FOXP1: variants seen among roughly 807,000 people sequenced by gnomAD.
FOXP1 encodes forkhead box P1.
In FOXP1, 15 loss-of-function variants were observed where a neutral mutation model predicts 98.2. The observed-to-expected ratio is 0.15, with a 90% CI of 0.10 to 0.24. FOXP1 has a LOEUF of 0.24. Ranked by LOEUF, FOXP1 falls within the 10% of genes least tolerant of loss-of-function variation. The pLI is 1.00. For missense variants in FOXP1, 633 were observed against 848.5 expected (o/e 0.75, Z 3.15); for synonymous variants, 371 against 314.5 (o/e 1.18, Z -1.90).
chr3:71,329,003 A>C (rs369708924), intron 4 of FOXP1, among the ~76,000 whole-genome samples: 5 of 143,906 alleles, frequency 3.5e-5, no homozygotes, highest in East Asian at 4.3e-4. Context: ...AAAAAAAAAA[A>C]CTGACAGTTT....
At chr3:71,169,181 A>G (rs1228082958) in intron 6 of FOXP1, among the ~76,000 whole-genome samples, 1 of 152,184 alleles carries the variant, frequency 6.6e-6, no homozygotes, top group Non-Finnish European at 1.5e-5. Flanking sequence ...GTCAGTTTAC[A>G]GTGTCTCCAT....
rs1578287613 is a variant in FOXP1, at chr3:71,583,723, G to A, written c.-599C>T. On this transcript the variant is annotated 5_prime_UTR_variant, in exon 1 of 21. Coordinates refer to ENST00000649528, the MANE Select transcript of FOXP1 (RefSeq NM_001349338.3). Reference sequence around the variant, plus strand: ...TCCCGGGCGAGGGCCGGGCCGCCGCGAGTACAGCGTGCAACCGCCACACAA... The same window carrying A: ...TCCCGGGCGAGGGCCGGGCCGCCGCAAGTACAGCGTGCAACCGCCACACAA... 53 of 985,086 alleles carry A rather than the reference G, an allele frequency of 5.4e-5. No homozygotes were observed. Among genetic ancestry groups the A allele is most frequent in the Non-Finnish European group, 6.4e-5 (53 of 829,940 alleles). 61.0% of individuals were successfully genotyped at this position (985,086 alleles called of 1,614,324 possible).
intron 3 of FOXP1, among the ~76,000 whole-genome samples, chr3:71,440,735 T>C (rs1006392992): frequency 4.7e-5 from 7 of 150,340 alleles, no homozygotes; most frequent in Middle Eastern, 3.5e-3. Context: ...CATGCTGGCA[T>C]GTGCCTGTGG....
At chr3:71,369,379 G>C (rs1431056589) in intron 3 of FOXP1, among the ~76,000 whole-genome samples, 1 of 152,050 alleles carries the variant, frequency 6.6e-6, no homozygotes, top group East Asian at 1.9e-4. Flanking sequence ...AACAGAACGA[G>C]ACTCCGTCTC....
chr3:71,133,540 T>A (rs981943525), intron 6 of FOXP1, among the ~76,000 whole-genome samples: 1 of 152,194 alleles, frequency 6.6e-6, no homozygotes, highest in African/African-American at 2.4e-5. Flanking sequence ...TGAAACCTGA[T>A]CCCCGTGGCC....
At chr3:71,095,186 TGCTGTTCATAA>T (rs2056334790) in intron 7 of FOXP1, among the ~76,000 whole-genome samples, 1 of 152,252 alleles carries the variant, frequency 6.6e-6, no homozygotes, top group African/African-American at 2.4e-5. Flanking sequence ...ATGTCTGACC[TGCTGTTCATAA>T]GTCAAAAAAT....
At chr3:71,465,640 CATT>C in intron 3 of FOXP1, among the ~76,000 whole-genome samples, 1 of 152,170 alleles carries the variant, frequency 6.6e-6, no homozygotes, top group Admixed American at 6.5e-5. Flanking sequence ...TGGTTTCACT[CATT>C]GTTGTCTTAG....
chr3:71,482,101 CGCACAT>C (rs2090321136), intron 3 of FOXP1, among the ~76,000 whole-genome samples: 1 of 152,150 alleles, frequency 6.6e-6, no homozygotes, highest in Non-Finnish European at 1.5e-5. Context: ...TCAGCTGACA[CGCACAT>C]GTCGCCTGCT....
chr3:71,155,982 T>C (rs57673785), intron 6 of FOXP1, among the ~76,000 whole-genome samples: 74 of 152,324 alleles, frequency 4.9e-4, no homozygotes, highest in African/African-American at 1.8e-3. Flanking sequence ...TAAAAATGGC[T>C]TGGCCATGAA....
At position 71,510,477 on chromosome 3, in the gene FOXP1, TA is replaced by T. The variant is rs970128945; in HGVS notation, c.-297-16923del. 3.8e-3 allele frequency among the ~76,000 whole-genome samples: 550 copies of T among 145,206 alleles called. 2 individuals carry two copies. Among genetic ancestry groups the T allele is most frequent in the African/African-American group, 0.011 (450 of 39,868 alleles). On this transcript the variant is annotated intron_variant, in intron 2 of 20. Transcript: ENST00000649528. ...GGGCAACAGAGTGAGACTCTGTCTC[TA>T]AAAAAAAAAAATCAGTTGATCTTGG...
chr3:71,210,668 G>C (rs2064385704), intron 5 of FOXP1, among the ~76,000 whole-genome samples: 1 of 152,224 alleles, frequency 6.6e-6, no homozygotes, highest in Non-Finnish European at 1.5e-5. Context: ...TTTGAGAACA[G>C]AACGTTCTCA....
At chr3:71,409,654 C>T (rs534860276) in intron 3 of FOXP1, among the ~76,000 whole-genome samples, 4 of 151,612 alleles carry the variant, frequency 2.6e-5, no homozygotes, top group Non-Finnish European at 5.9e-5. Flanking sequence ...AAACAAAAAA[C>T]CTGGAAGTAA....
chr3:71,570,767 A>G (rs1314745348), intron 2 of FOXP1: 1 of 152,186 alleles, frequency 6.6e-6, no homozygotes, highest in Non-Finnish European at 1.5e-5. Flanking sequence ...CTTAGCTCTC[A>G]GTGGACATCT....
At chr3:71,314,067 G>A (rs2074900506) in intron 4 of FOXP1, among the ~76,000 whole-genome samples, 1 of 152,128 alleles carries the variant, frequency 6.6e-6, no homozygotes, top group African/African-American at 2.4e-5. Context: ...TGCATTATTT[G>A]CTTTTGTAGA....
At position 71,047,075 on chromosome 3, in the gene FOXP1, C is replaced by G. The variant is rs2049120683; in HGVS notation, c.531G>C (p.Gln177His). The part of the protein sequence containing the change: ...QPKEQQQVAT[Q>H]QLAFQQQLLQ... ...AAAGCTGCTGCTGAAAAGCCAACTG[C>G]TGGGTAGCCACCTGCTGTTGCTGTA... Residue 177 changes from glutamine (Q) to histidine (H), a missense_variant, in exon 10 of 21, where the codon CAG (glutamine) becomes CAC (histidine). Gln to His is a conservative substitution (Grantham distance 24). Around this residue, in one of 6 missense-constraint regions of FOXP1, gnomAD observed 210 missense variants for 270.6 expected, o/e 0.78. Transcript: ENST00000649528. The G allele has an allele frequency of 6.2e-7, 1 of 1,613,936 alleles. No individual in the cohort carries two copies.
At position 71,120,713 on chromosome 3, in the gene FOXP1, G is replaced by A. The variant is rs537046032; in HGVS notation, c.181-8076C>T. The stretch of plus-strand genomic sequence containing the variant: ...TCTGCGTGGGGACGGTGGGGAAGAG[G>A]TAAAGGCCAGGCCAAAGCACTCCCT... On this transcript the variant is annotated intron_variant, in intron 6 of 20. Transcript: ENST00000649528. Among the ~76,000 whole-genome samples, 21 of 152,234 alleles carry A rather than the reference G, an allele frequency of 1.4e-4. No individual in the cohort carries two copies. The South Asian group carries it at 3.7e-3, about 27-fold the overall frequency.
At chr3:71,534,201 T>C (rs1320512487) in intron 2 of FOXP1, among the ~76,000 whole-genome samples, 4 of 152,068 alleles carry the variant, frequency 2.6e-5, no homozygotes, top group African/African-American at 7.2e-5. Flanking sequence ...CTGTCTCTAC[T>C]AAAAATACAA....
Position 70,958,399 on chromosome 3 carries a change from C to A in FOXP1, c.*848G>T, listed in dbSNP as rs1255999536. The A allele has an allele frequency of 4.5e-5, 22 of 491,564 alleles. No individual in the cohort carries two copies. In the East Asian group the frequency reaches 7.2e-4, roughly 16 times the overall value. 30.5% of individuals were successfully genotyped at this position (491,564 alleles called of 1,614,324 possible). ...CATGTGTAGAGTGCAGCATTTGGGACCTTTTTGAAAAAGACCAAAACGGAA... is the reference window on the plus strand; with the variant it reads ...CATGTGTAGAGTGCAGCATTTGGGAACTTTTTGAAAAAGACCAAAACGGAA... On this transcript the variant is annotated 3_prime_UTR_variant, in exon 21 of 21. Coordinates refer to ENST00000649528, the MANE Select transcript of FOXP1 (RefSeq NM_001349338.3).
intron 2 of FOXP1, among the ~76,000 whole-genome samples, chr3:71,505,674 C>T (rs1007236436): frequency 1.3e-5 from 2 of 152,150 alleles, no homozygotes; most frequent in Admixed American, 1.3e-4. Flanking sequence ...ATTTGCCTGC[C>T]TCGGCCTCCC....
Sources: allele counts gnomAD v4.1 joint callset (sites outside exome capture counted in the v4.1 genomes callset), GRCh38; gene constraint gnomAD v4.1.1; regional missense constraint gnomAD v4.1.1; transcripts MANE v1.5; gene names NCBI Gene and HGNC (gene_info 2026-07-23, HGNC 2026-07-21).